Variants in PTPN14 observed in about 807,000 individuals in gnomAD.
PTPN14 encodes the protein protein tyrosine phosphatase non-receptor type 14.
PTPN14 carries 53 observed loss-of-function variants against 126.8 expected under a neutral mutation model. That is an observed-to-expected ratio of 0.42 (90% CI 0.34 to 0.53). The LOEUF is 0.53. Ranked by LOEUF, PTPN14 falls within the 20% of genes least tolerant of loss-of-function variation. The pLI, the probability that PTPN14 is intolerant of heterozygous loss-of-function variation, is 0.08. For missense variants in PTPN14, 1,257 were observed against 1,552.9 expected (o/e 0.81, Z 3.20); for synonymous variants, 630 against 599.3 (o/e 1.05, Z -0.75).
At chr1:214,440,601 GC>G (rs1217947513) in intron 3 of PTPN14, among the ~76,000 whole-genome samples, 1 of 152,176 alleles carries the variant, frequency 6.6e-6, no homozygotes, top group Non-Finnish European at 1.5e-5. Context: ...CTCACACTCA[GC>G]TCAACCACCT....
intron 3 of PTPN14, among the ~76,000 whole-genome samples, chr1:214,445,205 A>G (rs147972924): frequency 4.3e-4 from 65 of 152,340 alleles, no homozygotes; most frequent in Non-Finnish European, 6.9e-4. Flanking sequence ...GGGGATACCC[A>G]TAGCTGCTGA....
chr1:214,543,442 GATA>G (rs1655891163), intron 1 of PTPN14, among the ~76,000 whole-genome samples: 1 of 152,060 alleles, frequency 6.6e-6, no homozygotes, highest in South Asian at 2.1e-4. Flanking sequence ...AATGAACAAA[GATA>G]ATAAGATATG....
intron 11 of PTPN14, among the ~76,000 whole-genome samples, chr1:214,390,473 AT>A (rs376534744): frequency 6.6e-6 from 1 of 152,102 alleles, no homozygotes; most frequent in East Asian, 1.9e-4. Flanking sequence ...TGGAATTCTG[AT>A]TTTTTTTAAA....
At chr1:214,528,485 A>C (rs1655456495) in intron 1 of PTPN14, 1 of 152,262 alleles carries the variant, frequency 6.6e-6, no homozygotes, top group Admixed American at 6.5e-5. Context: ...GTATTCTCAC[A>C]ATATATTGCT....
At chr1:214,421,981 AC>A (rs1659555189) in intron 3 of PTPN14, among the ~76,000 whole-genome samples, 1 of 151,950 alleles carries the variant, frequency 6.6e-6, no homozygotes, top group African/African-American at 2.4e-5. Context: ...CGCCTCCCCA[AC>A]TCTGTCGTGA....
chr1:214,417,877 C>T (rs1022100332), intron 3 of PTPN14, among the ~76,000 whole-genome samples: 9 of 151,968 alleles, frequency 5.9e-5, no homozygotes, highest in African/African-American at 2.2e-4. Flanking sequence ...GTGCCCAAAA[C>T]AGGAGAGAGC....
intron 2 of PTPN14, among the ~76,000 whole-genome samples, chr1:214,463,600 G>C (rs1235430470): frequency 6.6e-6 from 1 of 152,160 alleles, no homozygotes; most frequent in Non-Finnish European, 1.5e-5. Context: ...AAAGGGGAGA[G>C]GAAGACCCTC....
intron 2 of PTPN14, among the ~76,000 whole-genome samples, chr1:214,454,440 C>T (rs888528662): frequency 2.6e-5 from 4 of 152,134 alleles, no homozygotes; most frequent in Non-Finnish European, 5.9e-5. Flanking sequence ...TCATTCCCAT[C>T]CATCCAGATC....
intron 3 of PTPN14, among the ~76,000 whole-genome samples, chr1:214,445,304 A>C (rs1660118735): frequency 6.6e-6 from 1 of 152,182 alleles, no homozygotes; most frequent in South Asian, 2.1e-4. Context: ...GATGTACGAC[A>C]GTGTACTAAA....
At chr1:214,482,333 G>A (rs556025121) in intron 1 of PTPN14, among the ~76,000 whole-genome samples, 1 of 152,250 alleles carries the variant, frequency 6.6e-6, no homozygotes, top group Admixed American at 6.5e-5. Context: ...AGTTACCTTG[G>A]AGTTTATTTA....
chr1:214,435,130 CA>C (rs1228649914), intron 3 of PTPN14, among the ~76,000 whole-genome samples: 2 of 152,116 alleles, frequency 1.3e-5, no homozygotes, highest in Admixed American at 6.5e-5. Context: ...TTCCCGTTAT[CA>C]AAAGTGAAAT....
chr1:214,473,858 A>G (rs1316427565), intron 1 of PTPN14, among the ~76,000 whole-genome samples: 1 of 152,242 alleles, frequency 6.6e-6, no homozygotes, highest in East Asian at 1.9e-4. Flanking sequence ...AATCAGTTTT[A>G]GAGCTGTACA....
At chr1:214,423,378 T>G (rs980863983) in intron 3 of PTPN14, among the ~76,000 whole-genome samples, 2 of 152,150 alleles carry the variant, frequency 1.3e-5, no homozygotes, top group African/African-American at 4.8e-5. Flanking sequence ...CCAGCCCATG[T>G]TAAGTCATAT....
rs75544002 is a variant in PTPN14 at position 214,520,388 on chromosome 1, A to C, written c.-155+30795T>G. Among the ~76,000 whole-genome samples, 724 of 152,308 alleles carry C rather than the reference A, an allele frequency of 4.8e-3. 3 individuals are homozygous for C. The highest frequency in any genetic ancestry group is 0.016 in the African/African-American group (684 of 41,568). ...AAATTAGACTGTGGTAAGCAATGGA[A>C]TCAAGTCATCAACTCCAGCATAACA... On this transcript the variant is annotated intron_variant, in intron 1 of 18. Transcript: ENST00000366956.
chr1:214,531,218 T>G (rs1195983761), intron 1 of PTPN14: 2 of 152,190 alleles, frequency 1.3e-5, no homozygotes, highest in Non-Finnish European at 2.9e-5. Flanking sequence ...TTTAACATTC[T>G]GCCACCAGCA....
chr1:214,442,836 T>A (rs571235899), intron 3 of PTPN14, among the ~76,000 whole-genome samples: 1 of 124,958 alleles, frequency 8.0e-6, no homozygotes, highest in East Asian at 2.2e-4. Flanking sequence ...TTTTTTTTTC[T>A]CTTTGAGACG....
chr1:214,461,961 T>A (rs190626524), intron 2 of PTPN14, among the ~76,000 whole-genome samples: 1 of 152,338 alleles, frequency 6.6e-6, no homozygotes, highest in East Asian at 1.9e-4. Context: ...CTTCTGCTTT[T>A]GGATAGAGGA....
At chr1:214,511,577 C>A (rs903021369) in intron 1 of PTPN14, among the ~76,000 whole-genome samples, 3 of 151,910 alleles carry the variant, frequency 2.0e-5, no homozygotes, top group African/African-American at 7.3e-5. Flanking sequence ...GGTGGGAATA[C>A]AGAATGGTGC....
intron 3 of PTPN14, 104 bp from the exon 4 acceptor site, chr1:214,414,830 GA>G: frequency 1.2e-6 from 1 of 869,106 alleles, no homozygotes; most frequent in Non-Finnish European, 1.9e-6. Context: ...TACACAGCAG[GA>G]CATGCCTGTG....
Sources: allele counts gnomAD v4.1 joint callset (sites outside exome capture counted in the v4.1 genomes callset), GRCh38; gene constraint gnomAD v4.1.1; transcripts MANE v1.5; gene names NCBI Gene and HGNC (gene_info 2026-07-23, HGNC 2026-07-21).